ZNF212: variants seen among roughly 807,000 people sequenced by gnomAD.
The protein encoded by ZNF212 is Zinc finger protein C2H2-150.
ZNF212 carries 32 observed loss-of-function variants against 47.3 expected under a neutral mutation model. That is an observed-to-expected ratio of 0.68 (90% CI 0.51 to 0.91). The LOEUF (loss-of-function observed/expected upper bound fraction) is 0.91. Among genes scored for constraint, ZNF212 ranks in the 40% least tolerant of loss-of-function variants. The pLI is 0.00. For missense variants in ZNF212, 555 were observed against 622.8 expected, an observed-to-expected ratio of 0.89 and a Z score of 1.16; for synonymous variants, 242 against 253.8, an observed-to-expected ratio of 0.95 and a Z score of 0.44.
intron 1 of ZNF212, among the ~76,000 whole-genome samples, chr7:149,244,398 C>T (rs544544940): frequency 9.8e-4 from 149 of 152,090 alleles, no homozygotes; most frequent in Middle Eastern, 3.4e-3. Context: ...CTGCAAGCTC[C>T]GCCTCCCGGG....
At position 149,252,897 on chromosome 7, in the gene ZNF212, T is replaced by C. The variant is rs944638538; in HGVS notation, c.631+102T>C. ...GCCAGGTGCTGACTTGGTGACCTCA[T>C]CTGGCATCTGCTTGTTCTGGACTCC... On this transcript the variant is annotated intron_variant, in intron 4 of 4. Coordinates refer to ENST00000335870, the MANE Select transcript of ZNF212 (RefSeq NM_012256.4). 6.2e-6 allele frequency: 7 copies of C among 1,129,086 alleles called. No homozygotes were observed. In the African/African-American group the frequency reaches 9.2e-5, roughly 15 times the overall value. 69.9% of individuals were successfully genotyped at this position (1,129,086 alleles called of 1,614,324 possible).
In ZNF212 at chr7:149,250,679, A is replaced by G; in HGVS notation, c.415-2A>G. On this transcript the variant is annotated splice_acceptor_variant, in intron 2 of 4. Transcript: ENST00000335870. LOFTEE classifies it high-confidence loss of function. ...CTCATGGTGTGCCATTGGTGATTCC[A>G]GGTGTCCAGGTCACTGGAGAATGAT... The G allele has an allele frequency of 6.2e-7, 1 of 1,614,236 alleles. No individual in the cohort carries two copies. The highest frequency in any genetic ancestry group is 2.2e-5 in the East Asian group (1 of 44,890).
At chr7:149,244,692 G>T (rs1197691306) in intron 1 of ZNF212, among the ~76,000 whole-genome samples, 1 of 152,090 alleles carries the variant, frequency 6.6e-6, no homozygotes, top group Non-Finnish European at 1.5e-5. Flanking sequence ...AAAGAGAGGA[G>T]GCAAAAATAA....
chr7:149,242,219 C>T (rs747005856), intron 1 of ZNF212, among the ~76,000 whole-genome samples: 1 of 151,658 alleles, frequency 6.6e-6, no homozygotes, highest in Non-Finnish European at 1.5e-5. Flanking sequence ...TGGGGTTTCA[C>T]CGTGTTGGCT....
chr7:149,252,435 C>T (rs1796773288), intron 3 of ZNF212, among the ~76,000 whole-genome samples: 1 of 152,188 alleles, frequency 6.6e-6, no homozygotes, highest in African/African-American at 2.4e-5. Context: ...GTGGTGGTGC[C>T]ATCAAGGGCA....
chr7:149,250,241 CCACCGAGATTT>C lies in ZNF212; in HGVS notation c.111_121del (p.Glu38LeufsTer37). ...ACAGAGAAAAGCTCCTATTTTCAGA[CCACCGAGATTT>C]CACTCTGGACGGTGGTGGCCGCTAT... On this transcript the variant is annotated frameshift_variant, in exon 2 of 5. Coordinates refer to ENST00000335870, the MANE Select transcript of ZNF212 (RefSeq NM_012256.4). LOFTEE classifies it high-confidence loss of function. The C allele has an allele frequency of 6.2e-7, 1 of 1,604,318 alleles. No homozygotes were observed. The highest frequency in any genetic ancestry group is 2.2e-5 in the East Asian group (1 of 44,780).
intron 1 of ZNF212, among the ~76,000 whole-genome samples, chr7:149,245,359 GAAAA>G (rs11413172): frequency 1.8e-5 from 2 of 111,624 alleles, no homozygotes; most frequent in Non-Finnish European, 3.6e-5. Context: ...CTCCATCTCA[GAAAA>G]AAAAAAAAAA....
rs566898713 is a variant in ZNF212 at position 149,250,694 on chromosome 7, T to A, written c.428T>A (p.Leu143Gln). 23 of 1,614,210 alleles carry A rather than the reference T, an allele frequency of 1.4e-5. No individual in the cohort carries two copies. The South Asian group carries it at 2.5e-4, about 18-fold the overall frequency. The change falls in exon 3 of 5, where the codon CTG (leucine) becomes CAG (glutamine). Residue 143 changes from leucine (L) to glutamine (Q), a missense_variant. Leu to Gln is a moderately radical substitution (Grantham distance 113). Coordinates refer to ENST00000335870, the MANE Select transcript of ZNF212 (RefSeq NM_012256.4). Reference sequence around the variant, plus strand: ...TGGTGATTCCAGGTGTCCAGGTCACTGGAGAATGATGGCGTCTGTTTCACC... The same window carrying A: ...TGGTGATTCCAGGTGTCCAGGTCACAGGAGAATGATGGCGTCTGTTTCACC... ...KGEAPKVSRS[L>Q]ENDGVCFTEQ...
At chr7:149,247,765 G>A (rs1796698063) in intron 1 of ZNF212, among the ~76,000 whole-genome samples, 1 of 152,086 alleles carries the variant, frequency 6.6e-6, no homozygotes. Context: ...GTGTTTTCTT[G>A]GTTTGTGGCA....
At chr7:149,240,382 A>ACCCCCCCCCCCCCCC (rs71194632) in intron 1 of ZNF212, among the ~76,000 whole-genome samples, 1 of 109,340 alleles carries the variant, frequency 9.1e-6, no homozygotes, top group Non-Finnish European at 1.9e-5. Context: ...TCTCTCCTTC[A>ACCCCCCCCCCCCCCC]CCCCCCCCCC....
At chr7:149,239,931 A>G (rs1585588735) in intron 1 of ZNF212, 129 bp downstream of exon 1, 1 of 1,094,208 alleles carries the variant, frequency 9.1e-7, no homozygotes. Flanking sequence ...GGCGCGGGTG[A>G]ACGCGGACCC....
intron 1 of ZNF212, among the ~76,000 whole-genome samples, chr7:149,242,145 C>T (rs1341383906): frequency 7.9e-5 from 12 of 151,274 alleles, no homozygotes; most frequent in South Asian, 2.1e-4. Context: ...CCTCAGCCTC[C>T]GGAGTAGCTG....
At position 149,250,508 on chromosome 7, in the gene ZNF212, T is replaced by A. The variant is rs778508039; in HGVS notation, c.374T>A (p.Ile125Asn). ...CTGCTGCGCAACAGGAACTTCTGGA[T>A]CCTGCGGCTGCCCCCGGGCAGCAAG... The part of the protein sequence containing the change: ...ENLLRNRNFW[I>N]LRLPPGSKGE... Residue 125 changes from isoleucine to asparagine, a missense_variant, in exon 2 of 5, where the codon ATC (isoleucine) becomes AAC (asparagine). Coordinates refer to ENST00000335870, the MANE Select transcript of ZNF212 (RefSeq NM_012256.4). 1.2e-5 allele frequency: 20 copies of A among 1,613,774 alleles called. No individual in the cohort carries two copies. The South Asian group carries it at 2.2e-4, about 18-fold the overall frequency.
In ZNF212 at chr7:149,250,708, G is replaced by C. The variant is rs142824604; in HGVS notation, c.442G>C (p.Val148Leu). The change falls in exon 3 of 5, where the codon GTC (valine) becomes CTC (leucine). Residue 148 changes from valine to leucine, a missense_variant. Coordinates refer to ENST00000335870, the MANE Select transcript of ZNF212 (RefSeq NM_012256.4). The stretch of plus-strand genomic sequence containing the variant: ...GTCCAGGTCACTGGAGAATGATGGC[G>C]TCTGTTTCACCGAGCAGGAATGGGA... ...KVSRSLENDG[V>L]CFTEQEWENL... is the part of the protein sequence containing the mutation. The C allele has an allele frequency of 1.9e-6, 3 of 1,614,110 alleles. No homozygotes were observed. The highest frequency in any genetic ancestry group is 2.5e-6 in the Non-Finnish European group (3 of 1,180,054).
rs771766016 is a variant in ZNF212, at chr7:149,239,910, G to T, written c.24+108G>T. On this transcript the variant is annotated intron_variant, in intron 1 of 4. Coordinates refer to ENST00000335870, the MANE Select transcript of ZNF212 (RefSeq NM_012256.4). The stretch of plus-strand genomic sequence containing the variant: ...ACGCCGCCGGGGTCTTGGTTTCCCG[G>T]GGCTGCCGTTGGCGCGGGTGAACGC... 1.8e-5 allele frequency: 22 copies of T among 1,225,628 alleles called. No homozygotes were observed. The East Asian group carries it at 5.4e-4, about 30-fold the overall frequency. 75.9% of individuals were successfully genotyped at this position (1,225,628 alleles called of 1,614,324 possible). A position where few individuals can be genotyped will look rare whatever the true frequency, so the allele number is the denominator to read the frequency against.
intron 1 of ZNF212, among the ~76,000 whole-genome samples, chr7:149,242,875 A>G (rs1796613605): frequency 6.6e-6 from 1 of 152,224 alleles, no homozygotes; most frequent in Non-Finnish European, 1.5e-5. Context: ...ACAACTCGAA[A>G]TTGGTCGTAT....
rs371302632 is a variant in ZNF212, at chr7:149,253,790, C to T, written c.863C>T (p.Pro288Leu). Residue 288 changes from proline (P) to leucine (L), a missense_variant, in exon 5 of 5, where the codon CCG becomes CTG. By Grantham distance (98) the Pro-to-Leu change is moderately conservative. Transcript: ENST00000335870. ...AGCAGCAGCAGAACTGTGGGCTGCC[C>T]GAAGCAGAAATCTCATAGGCAGGTA... The part of the protein sequence containing the change: ...VPSSSRTVGC[P>L]KQKSHRQVQL... 30 of 1,613,914 alleles carry T rather than the reference C, an allele frequency of 1.9e-5. No individual in the cohort carries two copies. Among genetic ancestry groups the T allele is most frequent in the Non-Finnish European group, 2.5e-5 (29 of 1,179,960 alleles).
In ZNF212 at chr7:149,254,266, C is replaced by T. The variant is rs776153318; in HGVS notation, c.1339C>T (p.Arg447Cys). 2.2e-5 allele frequency: 36 copies of T among 1,614,094 alleles called. 1 individual carries two copies. The Admixed American group carries it at 3.0e-4, about 13-fold the overall frequency. The change falls in exon 5 of 5, where the codon CGC becomes TGC. Residue 447 changes from arginine to cysteine, a missense_variant. Coordinates refer to ENST00000335870, the MANE Select transcript of ZNF212 (RefSeq NM_012256.4). The surrounding 1 kb of genome is among the most constrained non-coding windows in gnomAD (Gnocchi z 4.5). Reference protein sequence around the residue: ...SHPSDLVRHQRIHTGERPYSC... With the variant: ...SHPSDLVRHQCIHTGERPYSC... ...CCCATCTGACTTGGTGCGGCACCAG[C>T]GCATCCACACGGGTGAGCGGCCCTA...
intron 1 of ZNF212, among the ~76,000 whole-genome samples, chr7:149,241,134 C>A (rs1040861114): frequency 6.6e-6 from 1 of 152,046 alleles, no homozygotes; most frequent in African/African-American, 2.4e-5. Flanking sequence ...TAGGAAGAAG[C>A]CTTAAAGGTC....
Sources: allele counts gnomAD v4.1 joint callset (sites outside exome capture counted in the v4.1 genomes callset), GRCh38; gene constraint gnomAD v4.1.1; non-coding constraint Gnocchi (gnomAD v3.1); transcripts MANE v1.5; gene names NCBI Gene and HGNC (gene_info 2026-07-23, HGNC 2026-07-21).